The following TAF3 variants were observed in gnomAD, a reference collection of about 807,000 sequenced individuals.
The protein encoded by TAF3 is transcription initiation factor TFIID subunit 3.
Under a neutral mutation model 80.6 loss-of-function variants are expected in TAF3, and 7 were observed. That is an observed-to-expected ratio of 0.09 (90% CI 0.05 to 0.16). The LOEUF (loss-of-function observed/expected upper bound fraction) is 0.16, where lower values mean the gene tolerates loss of function less well. Ranked by LOEUF, TAF3 falls within the 10% of genes least tolerant of loss-of-function variation. The pLI, the probability that TAF3 is intolerant of heterozygous loss-of-function variation, is 1.00. For synonymous variants in TAF3, 444 were observed against 446.1 expected, an observed-to-expected ratio of 1.00 and a Z score of 0.06; for missense variants, 921 against 1,140.2, an observed-to-expected ratio of 0.81 and a Z score of 2.77.
At position 7,912,726 on chromosome 10, in the gene TAF3, C is replaced by T. The variant is rs573469702; in HGVS notation, c.410-51194C>T. 2.6e-5 allele frequency among the ~76,000 whole-genome samples: 4 copies of T among 152,252 alleles called. No homozygotes were observed. The South Asian group carries it at 8.3e-4, about 32-fold the overall frequency. ...AGTACAACAAATCATTTAATATTTC[C>T]CTACAAATCCAGATCCAGTTCAATG... On this transcript the variant is annotated intron_variant, in intron 2 of 6. Transcript: ENST00000344293.
At chr10:7,875,907 A>G (rs1837307986) in intron 2 of TAF3, among the ~76,000 whole-genome samples, 1 of 152,070 alleles carries the variant, frequency 6.6e-6, no homozygotes, top group Non-Finnish European at 1.5e-5. Flanking sequence ...TTGTACGACT[A>G]ATTTTACCGA....
chr10:7,972,320 G>A (rs1220265583), intron 3 of TAF3, among the ~76,000 whole-genome samples: 3 of 152,182 alleles, frequency 2.0e-5, no homozygotes, highest in African/African-American at 4.8e-5. Context: ...TGTACTTTCT[G>A]TATGTATATT....
intron 2 of TAF3, among the ~76,000 whole-genome samples, chr10:7,906,341 A>G (rs956672922): frequency 1.3e-5 from 2 of 152,258 alleles, no homozygotes; most frequent in East Asian, 3.8e-4. Flanking sequence ...GGACTGGATT[A>G]TTCAATATCC....
intron 2 of TAF3, among the ~76,000 whole-genome samples, chr10:7,927,764 C>T (rs2131194463): frequency 6.6e-6 from 1 of 152,120 alleles, no homozygotes; most frequent in East Asian, 1.9e-4. Flanking sequence ...TACCACCCGA[C>T]CAGATTTATA....
intron 2 of TAF3, among the ~76,000 whole-genome samples, chr10:7,903,160 C>T (rs1837576190): frequency 6.6e-6 from 1 of 152,170 alleles, no homozygotes; most frequent in African/African-American, 2.4e-5. Flanking sequence ...GTCGAGGCTG[C>T]AGTGAGTGGT....
At chr10:7,835,220 A>G (rs1836839967) in intron 2 of TAF3, among the ~76,000 whole-genome samples, 1 of 152,184 alleles carries the variant, frequency 6.6e-6, no homozygotes, top group Non-Finnish European at 1.5e-5. Context: ...CTGAGCTAGA[A>G]AAAAAAGTCA....
chr10:7,848,520 T>A (rs2131122935), intron 2 of TAF3, among the ~76,000 whole-genome samples: 1 of 152,296 alleles, frequency 6.6e-6, no homozygotes, highest in East Asian at 1.9e-4. Flanking sequence ...AGGCACCCAG[T>A]CATCAGCCAG....
Position 7,845,737 on chromosome 10 carries a change from A to G in TAF3, c.409+21177A>G, listed in dbSNP as rs148431996. On this transcript the variant is annotated intron_variant, in intron 2 of 6. Transcript: ENST00000344293. ...CTGTATAATCTCAGCATCATTTTCA[A>G]TTGGCCGTGTGAGAGGCCATTCCTT... 3.5e-3 allele frequency among the ~76,000 whole-genome samples: 540 copies of G among 152,322 alleles called. 4 individuals carry two copies. The highest frequency in any genetic ancestry group is 0.012 in the African/African-American group (508 of 41,580).
chr10:7,870,178 G>C (rs1292878324), intron 2 of TAF3, among the ~76,000 whole-genome samples: 5 of 152,132 alleles, frequency 3.3e-5, no homozygotes, highest in Non-Finnish European at 7.4e-5. Flanking sequence ...GTTTAACTTT[G>C]AACTCATTCT....
intron 2 of TAF3, among the ~76,000 whole-genome samples, chr10:7,949,092 A>G (rs948543106): frequency 6.6e-6 from 1 of 152,154 alleles, no homozygotes; most frequent in African/African-American, 2.4e-5. Context: ...TTTTTTATCG[A>G]CTGCTCTTGA....
chr10:7,963,862 A>G, intron 2 of TAF3, 58 bp from the exon 3 acceptor site: 2 of 1,402,374 alleles, frequency 1.4e-6, no homozygotes, highest in African/African-American at 2.9e-5. Context: ...TTTATTTCTT[A>G]GGTTTTGTTA....
intron 4 of TAF3, among the ~76,000 whole-genome samples, chr10:7,990,274 G>C (rs1831821590): frequency 1.3e-5 from 2 of 152,206 alleles, no homozygotes; most frequent in Non-Finnish European, 2.9e-5. Flanking sequence ...AACAGAATGA[G>C]TAAATCACAA....
rs1837541714 is a variant in TAF3, at chr10:7,899,808, A to G, written c.410-64112A>G. ...ATAGTATGTTGTAAAAATAAACAAAACTGTTTAGTATGATTTCCATTATGT... is the reference window on the plus strand; with the variant it reads ...ATAGTATGTTGTAAAAATAAACAAAGCTGTTTAGTATGATTTCCATTATGT... On this transcript the variant is annotated intron_variant, in intron 2 of 6. Coordinates refer to ENST00000344293, the MANE Select transcript of TAF3 (RefSeq NM_031923.4). 2.0e-5 allele frequency among the ~76,000 whole-genome samples: 3 copies of G among 152,218 alleles called. No individual in the cohort carries two copies. In the South Asian group the frequency reaches 6.2e-4, roughly 32 times the overall value.
chr10:7,920,332 ATGTG>A, intron 2 of TAF3, among the ~76,000 whole-genome samples: 1 of 28,878 alleles, frequency 3.5e-5, no homozygotes, highest in Admixed American at 6.5e-4. Flanking sequence ...GTGTGTGTGT[ATGTG>A]TGTGTGTGTG....
rs71385681 is a variant in TAF3, at chr10:7,939,577, TACACACACACACACACAC to T, written c.410-24316_410-24299del. 2.7e-4 allele frequency among the ~76,000 whole-genome samples: 38 copies of T among 139,306 alleles called. No individual in the cohort carries two copies. In the East Asian group the frequency reaches 4.0e-3, roughly 15 times the overall value. The allele number at this position is 139,306 out of a possible 152,430, so 91.4% of individuals were successfully genotyped here. The stretch of plus-strand genomic sequence containing the variant: ...GACAATGTAGGAAATAGAAGAAAAC[TACACACACACACACACAC>T]ACACACACACACACACACACACACA... On this transcript the variant is annotated intron_variant, in intron 2 of 6. Coordinates refer to ENST00000344293, the MANE Select transcript of TAF3 (RefSeq NM_031923.4).
intron 4 of TAF3, among the ~76,000 whole-genome samples, chr10:8,003,207 T>C (rs76252818): frequency 6.7e-6 from 1 of 149,412 alleles, no homozygotes; most frequent in Non-Finnish European, 1.5e-5. Context: ...TGGTTTTTTT[T>C]CTCTCTCTCT....
intron 2 of TAF3, among the ~76,000 whole-genome samples, chr10:7,887,010 C>T (rs1475644137): frequency 4.0e-5 from 6 of 151,866 alleles, no homozygotes; most frequent in African/African-American, 1.2e-4. Flanking sequence ...CTGAGGCAGG[C>T]GGATCACGAG....
chr10:7,900,883 TAATA>T (rs199790154), intron 2 of TAF3, among the ~76,000 whole-genome samples: 1,665 of 152,292 alleles, frequency 0.011, 19 homozygotes, highest in Middle Eastern at 0.031. Context: ...TTAAAAATCA[TAATA>T]AATTTATCAC....
chr10:7,983,073 G>A (rs1187153541), intron 4 of TAF3, among the ~76,000 whole-genome samples: 2 of 151,876 alleles, frequency 1.3e-5, no homozygotes. Flanking sequence ...CTGCAGGCTT[G>A]CCAAGTATCC....
Sources: gnomAD v4.1 joint callset for allele counts (sites outside exome capture counted in the v4.1 genomes callset) on GRCh38, gnomAD v4.1.1 for gene constraint, MANE v1.5 for transcripts, NCBI Gene and HGNC (gene_info 2026-07-23, HGNC 2026-07-21) for gene names.